Variants in ITGA4 observed in about 807,000 individuals in gnomAD.
ITGA4 encodes integrin alpha-4.
ITGA4 carries 63 observed loss-of-function variants against 133.6 expected under a neutral mutation model. The ratio of observed to expected loss-of-function variants is 0.47; its 90% CI spans 0.38 to 0.58. The LOEUF is 0.58. Ranked by LOEUF, ITGA4 falls within the 20% of genes least tolerant of loss-of-function variation. The probability of loss-of-function intolerance (pLI) is 0.00; values close to 1 mark genes in which losing one functional copy is unlikely to be tolerated. For missense variants in ITGA4, 1,076 were observed against 1,252.7 expected (o/e 0.86, Z 2.13); for synonymous variants, 483 against 438.0 (o/e 1.10, Z -1.28).
At chr2:181,468,188 C>CT (rs1685465892) in intron 2 of ITGA4, among the ~76,000 whole-genome samples, 1 of 152,172 alleles carries the variant, frequency 6.6e-6, no homozygotes, top group East Asian at 1.9e-4. Context: ...TGTCTTAAGT[C>CT]ATCCCACTCA....
intron 15 of ITGA4, 81 bp from the exon 16 acceptor site, chr2:181,509,577 C>A: frequency 3.7e-6 from 4 of 1,070,740 alleles, no homozygotes; most frequent in Non-Finnish European, 5.2e-6. Context: ...TAGTGTTTGG[C>A]CCTTTTCAGG....
intron 2 of ITGA4, among the ~76,000 whole-genome samples, chr2:181,468,968 T>A (rs1163800900): frequency 6.6e-6 from 1 of 152,210 alleles, no homozygotes; most frequent in Non-Finnish European, 1.5e-5. Context: ...TGTAAAGTAC[T>A]TTTTCAATTA....
At chr2:181,476,714 A>T (rs1288550883) in intron 4 of ITGA4, among the ~76,000 whole-genome samples, 1 of 152,180 alleles carries the variant, frequency 6.6e-6, no homozygotes, top group African/African-American at 2.4e-5. Context: ...CATGGAATCA[A>T]CCTAAATGCA....
intron 2 of ITGA4, among the ~76,000 whole-genome samples, chr2:181,462,045 C>A (rs1456121698): frequency 1.3e-5 from 2 of 151,924 alleles, no homozygotes; most frequent in Admixed American, 1.3e-4. Flanking sequence ...TTACTTTTTT[C>A]ATGTGGCTAT....
At chr2:181,493,003 T>C (rs969238397) in intron 10 of ITGA4, 5 of 208,908 alleles carry the variant, frequency 2.4e-5, no homozygotes, top group Non-Finnish European at 3.8e-5. Flanking sequence ...GATTAAGAAA[T>C]GGGCCCAACC....
At chr2:181,478,476 C>T (rs985536043) in intron 4 of ITGA4, among the ~76,000 whole-genome samples, 1 of 152,014 alleles carries the variant, frequency 6.6e-6, no homozygotes, top group East Asian at 1.9e-4. Flanking sequence ...CTCAAAATCA[C>T]AAATCCTACC....
Position 181,457,606 on chromosome 2 carries a change from A to T in ITGA4, c.-49A>T. 2.6e-6 allele frequency: 4 copies of T among 1,553,706 alleles called. No homozygotes were observed. The highest frequency in any genetic ancestry group is 3.5e-6 in the Non-Finnish European group (4 of 1,143,388). ...TTGGCCAACCGTCGCATCCCGTGCA[A>T]CTTTGGGGTAGTGGCCGTTTAGTGT... On this transcript the variant is annotated 5_prime_UTR_variant, in exon 1 of 28. Transcript: ENST00000397033.
intron 10 of ITGA4, among the ~76,000 whole-genome samples, chr2:181,489,460 GT>G (rs1427258202): frequency 6.6e-6 from 1 of 152,130 alleles, no homozygotes; most frequent in East Asian, 1.9e-4. Context: ...TATTTCATAT[GT>G]AAAATAGACT....
intron 16 of ITGA4, among the ~76,000 whole-genome samples, chr2:181,510,949 T>G (rs1686494082): frequency 6.6e-6 from 1 of 152,044 alleles, no homozygotes; most frequent in Non-Finnish European, 1.5e-5. Flanking sequence ...GAGAGATATT[T>G]ACACCTCTCC....
At chr2:181,522,485 C>T (rs948870532) in intron 18 of ITGA4, 144 bp downstream of exon 18, 5 of 558,218 alleles carry the variant, frequency 9.0e-6, no homozygotes, top group Non-Finnish European at 1.5e-5. Context: ...TACTCTGTGC[C>T]CCTGCTCAGA....
At chr2:181,471,776 G>C (rs1685558025) in intron 2 of ITGA4, among the ~76,000 whole-genome samples, 1 of 152,116 alleles carries the variant, frequency 6.6e-6, no homozygotes, top group South Asian at 2.1e-4. Flanking sequence ...CACATCACTG[G>C]CTTCCTGGGA....
intron 11 of ITGA4, among the ~76,000 whole-genome samples, chr2:181,493,841 G>A (rs1226446851): frequency 3.9e-5 from 6 of 152,140 alleles, no homozygotes; most frequent in Non-Finnish European, 8.8e-5. Context: ...TCACTGTTGA[G>A]TAGTAAGATG....
intron 2 of ITGA4, among the ~76,000 whole-genome samples, chr2:181,467,135 G>T (rs1685438634): frequency 6.6e-6 from 1 of 151,922 alleles, no homozygotes; most frequent in African/African-American, 2.4e-5. Context: ...TGGAACAAGG[G>T]TCATTCATGT....
chr2:181,475,800 A>T (rs1270596794), intron 4 of ITGA4: 2 of 1,590,334 alleles, frequency 1.3e-6, no homozygotes, highest in Non-Finnish European at 1.7e-6. Flanking sequence ...CATTTTTCTC[A>T]TGGTAACTCT....
intron 15 of ITGA4, among the ~76,000 whole-genome samples, chr2:181,499,514 G>T (rs1686224618): frequency 6.6e-6 from 1 of 152,042 alleles, no homozygotes; most frequent in Non-Finnish European, 1.5e-5. Context: ...CTATTCCCAG[G>T]AGCCCTTTCT....
chr2:181,507,322 T>A (rs1686413544), intron 15 of ITGA4, among the ~76,000 whole-genome samples: 1 of 152,160 alleles, frequency 6.6e-6, no homozygotes, highest in South Asian at 2.1e-4. Context: ...TATAGATTTC[T>A]CATCGACATG....
At chr2:181,526,997 A>G (rs1686846836) in intron 21 of ITGA4, among the ~76,000 whole-genome samples, 1 of 151,356 alleles carries the variant, frequency 6.6e-6, no homozygotes, top group Admixed American at 6.6e-5. Flanking sequence ...ACGCCCAGCT[A>G]ATTTTTTTTT....
At position 181,470,475 on chromosome 2, in the gene ITGA4, T is replaced by C. The variant is rs537932684; in HGVS notation, c.320-4485T>C. 2.6e-5 allele frequency among the ~76,000 whole-genome samples: 4 copies of C among 152,262 alleles called. No individual in the cohort carries two copies. The East Asian group carries it at 7.7e-4, about 29-fold the overall frequency. The stretch of plus-strand genomic sequence containing the variant: ...CTGGGGGGCTTCAAAAAAATTCTTA[T>C]GTCTGGTTCTTAACCCAGACATGTC... On this transcript the variant is annotated intron_variant, in intron 2 of 27. Transcript: ENST00000397033.
At chr2:181,506,419 T>G (rs4667314) in intron 15 of ITGA4, among the ~76,000 whole-genome samples, 6 of 152,078 alleles carry the variant, frequency 3.9e-5, no homozygotes, top group African/African-American at 1.4e-4. Context: ...TCAGATAACA[T>G]AACTAAGCCA....
Sources: allele counts gnomAD v4.1 joint callset (sites outside exome capture counted in the v4.1 genomes callset), GRCh38; gene constraint gnomAD v4.1.1; transcripts MANE v1.5; gene names NCBI Gene and HGNC (gene_info 2026-07-23, HGNC 2026-07-21).